Variants in FRMD4A observed in about 807,000 individuals in gnomAD.
FRMD4A encodes FERM domain-containing protein 4A.
In FRMD4A, 29 loss-of-function variants were observed where a neutral mutation model predicts 129.1. The observed-to-expected ratio is 0.22, with a 90% confidence interval of 0.17 to 0.31. The LOEUF (loss-of-function observed/expected upper bound fraction) is 0.31. FRMD4A is among the 10% of genes least tolerant of loss of function. The pLI, the probability that FRMD4A is intolerant of heterozygous loss-of-function variation, is 1.00. For missense variants in FRMD4A, 1,272 were observed against 1,375.8 expected (o/e 0.92, Z 1.19); for synonymous variants, 634 against 571.6 (o/e 1.11, Z -1.56).
intron 2 of FRMD4A, among the ~76,000 whole-genome samples, chr10:14,299,167 C>T (rs1846104109): frequency 6.6e-6 from 1 of 152,286 alleles, no homozygotes; most frequent in East Asian, 1.9e-4. Flanking sequence ...TGACAAGATT[C>T]CTGAGCTAAG....
chr10:14,242,989 G>T (rs1226872714), intron 2 of FRMD4A, among the ~76,000 whole-genome samples: 19 of 152,146 alleles, frequency 1.2e-4, no homozygotes, highest in Admixed American at 1.2e-3. Flanking sequence ...AGTAAACTTT[G>T]TACCCATTAT....
chr10:13,951,619 G>A lies in FRMD4A; in HGVS notation c.46-92707C>T, dbSNP rs564705736. Among the ~76,000 whole-genome samples the A allele has an allele frequency of 3.3e-5, 5 of 152,204 alleles. No homozygotes were observed. In the South Asian group the frequency reaches 1.0e-3, roughly 32 times the overall value. ...CAATCTAAAATTTTGGCTGGGCGTG[G>A]TGGCTCATGCCTGTAATCCCTGCCC... On this transcript the variant is annotated intron_variant, in intron 2 of 24. Coordinates refer to ENST00000357447, the MANE Select transcript of FRMD4A (RefSeq NM_018027.5).
intron 6 of FRMD4A, among the ~76,000 whole-genome samples, chr10:13,773,513 ATTTTC>A (rs2092516439): frequency 6.6e-6 from 1 of 152,146 alleles, no homozygotes; most frequent in Non-Finnish European, 1.5e-5. Flanking sequence ...ATGAGCACCA[ATTTTC>A]TTTTCTCTCT....
Position 13,685,081 on chromosome 10 carries a change from C to A in FRMD4A, c.1117+8817G>T, listed in dbSNP as rs1276695052. ...CAGGAGACCACGGGAAATAATGCCA[C>A]ATTGCAGACTGCAGGATAAACGTGT... is the stretch of plus-strand genomic sequence containing the variant. On this transcript the variant is annotated intron_variant, in intron 15 of 24. Transcript: ENST00000357447. 7.1e-6 allele frequency: 7 copies of A among 984,862 alleles called. No individual in the cohort carries two copies. The East Asian group carries it at 7.9e-4, about 112-fold the overall frequency. 61.0% of individuals were successfully genotyped at this position (984,862 alleles called of 1,614,324 possible).
chr10:13,947,121 G>A (rs956322645), intron 2 of FRMD4A, among the ~76,000 whole-genome samples: 13 of 152,282 alleles, frequency 8.5e-5, no homozygotes, highest in East Asian at 5.8e-4. Context: ...AATTGCATTA[G>A]CCTGCAGCCT....
In FRMD4A at chr10:13,745,828, T is replaced by A. The variant is rs189712635; in HGVS notation, c.548+1908A>T. 8.7e-4 allele frequency among the ~76,000 whole-genome samples: 133 copies of A among 152,230 alleles called. 1 individual carries two copies. Among genetic ancestry groups the A allele is most frequent in the South Asian group, 1.7e-3 (8 of 4,806 alleles). On this transcript the variant is annotated intron_variant, in intron 9 of 24. Transcript: ENST00000357447. ...ATCCCCAGGGCCTTGACCATTGGAT[T>A]TTTGGAAGTGAACAGCCAGGAGGCT...
At chr10:14,159,324 A>G (rs746297450) in intron 2 of FRMD4A, among the ~76,000 whole-genome samples, 4 of 152,206 alleles carry the variant, frequency 2.6e-5, no homozygotes, top group African/African-American at 4.8e-5. Flanking sequence ...TATGCCAATA[A>G]TGAAGTCGCT....
At chr10:13,897,582 C>T (rs1210610503) in intron 2 of FRMD4A, among the ~76,000 whole-genome samples, 3 of 152,140 alleles carry the variant, frequency 2.0e-5, no homozygotes, top group Admixed American at 2.0e-4. Context: ...CCTGATGGGC[C>T]AGTGCATGGC....
chr10:13,876,026 G>A (rs2094485802), intron 2 of FRMD4A, among the ~76,000 whole-genome samples: 1 of 152,192 alleles, frequency 6.6e-6, no homozygotes, highest in Non-Finnish European at 1.5e-5. Context: ...ATGGAAGGAA[G>A]AACTTTTGAA....
chr10:14,129,402 ATAT>A (rs1839116308), intron 2 of FRMD4A, among the ~76,000 whole-genome samples: 1 of 129,628 alleles, frequency 7.7e-6, no homozygotes, highest in Non-Finnish European at 1.6e-5. Flanking sequence ...ATATATATAT[ATAT>A]ATAAAAAATA....
rs1195716741 is a variant in FRMD4A, at chr10:13,656,950, T to C, written c.2639A>G (p.Lys880Arg). 2.0e-6 allele frequency: 3 copies of C among 1,533,176 alleles called. No homozygotes were observed. The highest frequency in any genetic ancestry group is 2.6e-6 in the Non-Finnish European group (3 of 1,147,234). 95.0% of individuals were successfully genotyped at this position (1,533,176 alleles called of 1,614,324 possible). A position where few individuals can be genotyped will look rare whatever the true frequency, so the allele number is the denominator to read the frequency against. Residue 880 changes from lysine (K) to arginine (R), a missense_variant, in exon 22 of 25, where the codon AAG becomes AGG. Around this residue, in one of 2 missense-constraint regions of FRMD4A, gnomAD observed 972 missense variants for 892.3 expected, o/e 1.09. Coordinates refer to ENST00000357447, the MANE Select transcript of FRMD4A (RefSeq NM_018027.5). Reference protein sequence around the residue: ...SNSYTAGGLFKESWRGGGGDE... With the variant: ...SNSYTAGGLFRESWRGGGGDE... ...GCCGCCGCCGCCGCGCCAGCTCTCC[T>C]TGAACAGGCCGCCCGCCGTGTAGGA...
chr10:14,183,771 A>C (rs1476067598), intron 2 of FRMD4A, among the ~76,000 whole-genome samples: 1 of 152,210 alleles, frequency 6.6e-6, no homozygotes, highest in Non-Finnish European at 1.5e-5. Flanking sequence ...AAACAGAGAC[A>C]CTCATGCCTG....
chr10:14,322,054 C>T (rs552978515), intron 2 of FRMD4A, among the ~76,000 whole-genome samples: 1 of 152,284 alleles, frequency 6.6e-6, no homozygotes, highest in African/African-American at 2.4e-5. Flanking sequence ...GCCAGGCTTC[C>T]TATACAGCCT....
At chr10:13,784,886 G>A (rs1013629501) in intron 5 of FRMD4A, among the ~76,000 whole-genome samples, 1 of 151,664 alleles carries the variant, frequency 6.6e-6, no homozygotes, top group African/African-American at 2.4e-5. Flanking sequence ...AGCTACTTGG[G>A]AGGCTGAGGC....
At chr10:14,185,542 A>T (rs192938454) in intron 2 of FRMD4A, among the ~76,000 whole-genome samples, 2 of 152,356 alleles carry the variant, frequency 1.3e-5, no homozygotes, top group Non-Finnish European at 2.9e-5. Flanking sequence ...TGGAAACTTG[A>T]AACATAAAGC....
At chr10:14,020,393 T>TGACA (rs1459118122) in intron 2 of FRMD4A, among the ~76,000 whole-genome samples, 1 of 152,122 alleles carries the variant, frequency 6.6e-6, no homozygotes, top group African/African-American at 2.4e-5. Flanking sequence ...AAACAGCTGT[T>TGACA]CTTGAGATAG....
chr10:13,790,979 A>G (rs1881583), intron 5 of FRMD4A, among the ~76,000 whole-genome samples: 121,220 of 151,906 alleles, frequency 0.8, 49,431 homozygotes, highest in East Asian at 1. Context: ...GACAGAAGGG[A>G]CTGGGATTGA....
Position 13,651,693 on chromosome 10 carries a change from G to C in FRMD4A, c.*2+210C>G, listed in dbSNP as rs954553182. The C allele has an allele frequency of 7.0e-6, 4 of 572,312 alleles. No homozygotes were observed. In the South Asian group the frequency reaches 8.5e-5, roughly 12 times the overall value. 35.5% of individuals were successfully genotyped at this position (572,312 alleles called of 1,614,324 possible). A position where few individuals can be genotyped will look rare whatever the true frequency, so the allele number is the denominator to read the frequency against. On this transcript the variant is annotated intron_variant, in intron 24 of 24. Coordinates refer to ENST00000357447, the MANE Select transcript of FRMD4A (RefSeq NM_018027.5). ...GTCTCAAAACAAAACATACTCTGGGGGTCTTTTCTGGGAAGCAGTGTTAGG... is the reference window on the plus strand; with the variant it reads ...GTCTCAAAACAAAACATACTCTGGGCGTCTTTTCTGGGAAGCAGTGTTAGG...
chr10:13,976,048 A>G (rs1434830829), intron 2 of FRMD4A, among the ~76,000 whole-genome samples: 1 of 152,222 alleles, frequency 6.6e-6, no homozygotes, highest in East Asian at 1.9e-4. Flanking sequence ...CTTGGTGTCT[A>G]AAGGGTAGGG....
Sources: gnomAD v4.1 joint callset for allele counts (sites outside exome capture counted in the v4.1 genomes callset) on GRCh38, gnomAD v4.1.1 for gene constraint, gnomAD v4.1.1 regional missense constraint, MANE v1.5 for transcripts, NCBI Gene and HGNC (gene_info 2026-07-23, HGNC 2026-07-21) for gene names.